Variants in SPDYE18 observed in about 807,000 individuals in gnomAD.
SPDYE18 encodes the protein speedy protein E18.
A neutral mutation model predicts 44.9 loss-of-function variants in SPDYE18; 6 were observed. The observed-to-expected ratio is 0.13, with a 90% CI of 0.07 to 0.26. The LOEUF (loss-of-function observed/expected upper bound fraction) is 0.26. SPDYE18 is among the 10% of genes least tolerant of loss of function. The pLI is 1.00. For synonymous variants in SPDYE18, 35 were observed against 177.1 expected, an observed-to-expected ratio of 0.20 and a Z score of 6.37; for missense variants, 121 against 463.2, an observed-to-expected ratio of 0.26 and a Z score of 6.78.
rs929757954 is a variant in SPDYE18, at chr7:77,062,504, C to G, written c.-430G>C. On this transcript the variant is annotated 5_prime_UTR_variant, in exon 1 of 9. Coordinates refer to ENST00000510091, the MANE Select transcript of SPDYE18 (RefSeq NM_001394953.1). ...GAATAGGGGCTGGTCACCTGCATTT[C>G]CCCTCCCTGCACAAAGTCCTGGGCC... 2.2e-4 allele frequency among the ~76,000 whole-genome samples: 33 copies of G among 152,270 alleles called. No homozygotes were observed. Among genetic ancestry groups the G allele is most frequent in the Middle Eastern group, 3.4e-3 (1 of 294 alleles).
intron 3 of SPDYE18, among the ~76,000 whole-genome samples, chr7:77,058,413 G>A (rs377715357): frequency 0.3 from 28,824 of 95,618 alleles, 2,014 homozygotes; most frequent in African/African-American, 0.47. Context: ...TTACAGGTGT[G>A]AGCCACTGCA....
chr7:77,052,546 C>T (rs1179537434), intron 8 of SPDYE18, among the ~76,000 whole-genome samples, 187 bp downstream of exon 8: 10 of 152,238 alleles, frequency 6.6e-5, no homozygotes, highest in African/African-American at 1.9e-4. Context: ...GCGATCCTCC[C>T]GCCTCAGCCT....
intron 2 of SPDYE18, among the ~76,000 whole-genome samples, chr7:77,059,948 C>G (rs901119773): frequency 4.0e-5 from 6 of 150,112 alleles, no homozygotes; most frequent in African/African-American, 1.2e-4. Context: ...CTGCACCCAG[C>G]CTGAATTTCT....
rs1462835495 is a variant in SPDYE18, at chr7:77,060,891, T to TG, written c.-380dup. On this transcript the variant is annotated 5_prime_UTR_variant, in exon 2 of 9. It removes the in-frame stop codon of an upstream open reading frame in the 5' UTR. Coordinates refer to ENST00000510091, the MANE Select transcript of SPDYE18 (RefSeq NM_001394953.1). Reference sequence around the variant, plus strand: ...TCTCCACTCAAAGCCTGAAGCATGTTGGGGTCTCTTCATCTCTGTACATGC... The same window carrying TG: ...TCTCCACTCAAAGCCTGAAGCATGTTGGGGGTCTCTTCATCTCTGTACATGC... 1.3e-5 allele frequency among the ~76,000 whole-genome samples: 2 copies of TG among 151,638 alleles called. No homozygotes were observed. Among genetic ancestry groups the TG allele is most frequent in the Non-Finnish European group, 2.9e-5 (2 of 67,978 alleles).
rs1790001461 is a variant in SPDYE18 at position 77,060,349 on chromosome 7, T to A, written c.160+4A>T. 7.2e-6 allele frequency: 11 copies of A among 1,535,304 alleles called. No homozygotes were observed. The South Asian group carries it at 9.5e-5, about 13-fold the overall frequency. Reference sequence around the variant, plus strand: ...CCCACCTCTTCTTCCACCAGTCCCCTCACCTGATGGTCCCAACACTTCATC... The same window carrying A: ...CCCACCTCTTCTTCCACCAGTCCCCACACCTGATGGTCCCAACACTTCATC... On this transcript the variant is annotated splice_donor_region_variant and intron_variant, in intron 2 of 8. Transcript: ENST00000510091.
chr7:77,053,702 C>T (rs1413532354), intron 6 of SPDYE18, among the ~76,000 whole-genome samples: 13 of 152,184 alleles, frequency 8.5e-5, no homozygotes, highest in South Asian at 2.1e-4. Flanking sequence ...CAGCCTGGTG[C>T]GGTGGCACAC....
In SPDYE18 at chr7:77,051,234, T is replaced by C. The variant is rs1441919880; in HGVS notation, c.*691A>G. ...AATAATACAGAAACAAATTTAAAGA[T>C]AATAAAATATTTAGGATAAAAAGAA... On this transcript the variant is annotated 3_prime_UTR_variant, in exon 9 of 9. Transcript: ENST00000510091. Among the ~76,000 whole-genome samples the C allele has an allele frequency of 1.3e-5, 2 of 152,154 alleles. No individual in the cohort carries two copies. Among genetic ancestry groups the C allele is most frequent in the East Asian group, 1.9e-4 (1 of 5,204 alleles).
At position 77,060,466 on chromosome 7, in the gene SPDYE18, C is replaced by T. The variant is rs1583980600; in HGVS notation, c.47G>A (p.Gly16Glu). 2 of 1,535,224 alleles carry T rather than the reference C, an allele frequency of 1.3e-6. No individual in the cohort carries two copies. The highest frequency in any genetic ancestry group is 1.2e-5 in the South Asian group (1 of 83,954). Residue 16 changes from glycine (G) to glutamate (E), a missense_variant, in exon 2 of 9, where the codon GGA (glycine) becomes GAA (glutamate). Transcript: ENST00000510091. ...TRFRKRGQIT[G>E]KITTSRQPHP... ...CGGTTGACGGCTGGTCGTGATCTTTCCCGTAATCTGTCCCCTCTTACGGAA... is the reference window on the plus strand; with the variant it reads ...CGGTTGACGGCTGGTCGTGATCTTTTCCGTAATCTGTCCCCTCTTACGGAA...
Position 77,062,511 on chromosome 7 carries a change from C to T in SPDYE18, c.-437G>A, listed in dbSNP as rs564593297. On this transcript the variant is annotated 5_prime_UTR_variant, in exon 1 of 9. Transcript: ENST00000510091. ...GGCTGGTCACCTGCATTTCCCCTCCCTGCACAAAGTCCTGGGCCCAGATCT... is the reference window on the plus strand; with the variant it reads ...GGCTGGTCACCTGCATTTCCCCTCCTTGCACAAAGTCCTGGGCCCAGATCT... 6.6e-6 allele frequency among the ~76,000 whole-genome samples: 1 copy of T among 152,192 alleles called. No individual in the cohort carries two copies. The highest frequency in any genetic ancestry group is 2.4e-5 in the African/African-American group (1 of 41,450).
chr7:77,050,834 A>T lies in SPDYE18; in HGVS notation c.*1091T>A, dbSNP rs1345825951. 6.6e-6 allele frequency among the ~76,000 whole-genome samples: 1 copy of T among 151,180 alleles called. No homozygotes were observed. The highest frequency in any genetic ancestry group is 1.9e-4 in the East Asian group (1 of 5,184). On this transcript the variant is annotated 3_prime_UTR_variant, in exon 9 of 9. Transcript: ENST00000510091. ...CATCACACAGCTTTATAGAAACAGC[A>T]TCTATTCAAAAATACCAGTATTTCC...
chr7:77,054,141 A>G (rs907823575), intron 6 of SPDYE18, among the ~76,000 whole-genome samples: 7 of 152,284 alleles, frequency 4.6e-5, no homozygotes, highest in Admixed American at 3.9e-4. Flanking sequence ...CTAGAGAGCT[A>G]CGGGCATGCA....
In SPDYE18 at chr7:77,050,793, T is replaced by C. The variant is rs1209483904; in HGVS notation, c.*1132A>G. Among the ~76,000 whole-genome samples the C allele has an allele frequency of 2.0e-5, 3 of 151,916 alleles. No homozygotes were observed. The highest frequency in any genetic ancestry group is 6.6e-5 in the Admixed American group (1 of 15,240). ...AAACAAAATTATATGTATGTGTATATAATAGTTATAACACCCATCACACAG... is the reference window on the plus strand; with the variant it reads ...AAACAAAATTATATGTATGTGTATACAATAGTTATAACACCCATCACACAG... On this transcript the variant is annotated 3_prime_UTR_variant, in exon 9 of 9. Coordinates refer to ENST00000510091, the MANE Select transcript of SPDYE18 (RefSeq NM_001394953.1).
intron 1 of SPDYE18, among the ~76,000 whole-genome samples, chr7:77,061,597 TAA>T (rs1200579775): frequency 1.8e-5 from 2 of 110,700 alleles, no homozygotes; most frequent in African/African-American, 7.8e-5. Context: ...AGCCCATCTC[TAA>T]AAAAACCAAA....
chr7:77,054,956 CG>C (rs1789892971), intron 6 of SPDYE18, among the ~76,000 whole-genome samples: 1 of 152,050 alleles, frequency 6.6e-6, no homozygotes, highest in Non-Finnish European at 1.5e-5. Context: ...TTAGTAGAGA[CG>C]GGGTTTGGCC....
At chr7:77,058,133 T>G (rs867522477) in intron 3 of SPDYE18, among the ~76,000 whole-genome samples, 3 of 125,968 alleles carry the variant, frequency 2.4e-5, no homozygotes, top group Admixed American at 9.2e-5. Context: ...TTTTTTTTTT[T>G]TTTTGTTGTT....
intron 6 of SPDYE18, among the ~76,000 whole-genome samples, chr7:77,054,589 G>A (rs1257929203): frequency 1.3e-5 from 2 of 152,172 alleles, no homozygotes; most frequent in Non-Finnish European, 2.9e-5. Context: ...AGAGGAGGTC[G>A]ATGGCGTTTG....
intron 6 of SPDYE18, among the ~76,000 whole-genome samples, chr7:77,054,884 CA>C (rs1789891409): frequency 3.9e-5 from 6 of 152,186 alleles, no homozygotes; most frequent in Admixed American, 1.3e-4. Flanking sequence ...TCTCTTGCCT[CA>C]GCCTCCCAAG....
intron 6 of SPDYE18, among the ~76,000 whole-genome samples, chr7:77,053,675 A>G: frequency 6.6e-6 from 1 of 152,222 alleles, no homozygotes; most frequent in Non-Finnish European, 1.5e-5. Flanking sequence ...CCCCATCTCT[A>G]CTAAAAATAC....
Position 77,051,097 on chromosome 7 carries a change from T to TATCA in SPDYE18, c.*824_*827dup, listed in dbSNP as rs1399983326. ...AACCTAAACAGCAAATAAAAATTTC[T>TATCA]ATCACCAGAATTATGTTTTTTTCTG... On this transcript the variant is annotated 3_prime_UTR_variant, in exon 9 of 9. Coordinates refer to ENST00000510091, the MANE Select transcript of SPDYE18 (RefSeq NM_001394953.1). 1.3e-5 allele frequency among the ~76,000 whole-genome samples: 2 copies of TATCA among 151,952 alleles called. No individual in the cohort carries two copies.
Sources: allele counts gnomAD v4.1 joint callset (sites outside exome capture counted in the v4.1 genomes callset), GRCh38; gene constraint gnomAD v4.1.1; transcripts MANE v1.5; gene names NCBI Gene and HGNC (gene_info 2026-07-23, HGNC 2026-07-21).